KCNT2: variants seen among roughly 807,000 people sequenced by gnomAD.
The protein encoded by KCNT2 is potassium channel subfamily T member 2.
KCNT2 carries 67 observed loss-of-function variants against 153.8 expected under a neutral mutation model. The ratio of observed to expected loss-of-function variants is 0.44; its 90% confidence interval spans 0.36 to 0.53. The LOEUF is 0.53. KCNT2 is among the 20% of genes least tolerant of loss of function. The pLI, the probability that KCNT2 is intolerant of heterozygous loss-of-function variation, is 0.00. For missense variants in KCNT2, 975 were observed against 1,354.8 expected (o/e 0.72, Z 4.40); for synonymous variants, 500 against 458.8 (o/e 1.09, Z -1.15).
At chr1:196,378,826 T>TTA (rs918061181) in intron 13 of KCNT2, among the ~76,000 whole-genome samples, 5 of 146,968 alleles carry the variant, frequency 3.4e-5, no homozygotes, top group East Asian at 2.0e-4. Context: ...TATATATATA[T>TTA]TATATATATA....
Position 196,608,219 on chromosome 1 carries a change from C to T in KCNT2, c.91G>A (p.Asp31Asn), listed in dbSNP as rs377428160. 3.7e-6 allele frequency: 6 copies of T among 1,613,722 alleles called. No homozygotes were observed. In the African/African-American group the frequency reaches 8.0e-5, roughly 22 times the overall value. The part of the protein sequence containing the change: ...LLGDQGWQND[D>N]RVQVEFYMNE... ...ATCCTCCACCACACCACTCACCTGTCGTCGTTTTGCCATCCTTGGTCCCCT... is the reference window on the plus strand; with the variant it reads ...ATCCTCCACCACACCACTCACCTGTTGTCGTTTTGCCATCCTTGGTCCCCT... Residue 31 changes from aspartate to asparagine, a missense_variant, in exon 1 of 28, where the codon GAC becomes AAC. Around this residue, in one of 6 missense-constraint regions of KCNT2, gnomAD observed 140 missense variants for 216.0 expected, o/e 0.65. Coordinates refer to ENST00000294725, the MANE Select transcript of KCNT2 (RefSeq NM_198503.5).
chr1:196,303,647 TA>T (rs1661383203), intron 22 of KCNT2, among the ~76,000 whole-genome samples: 1 of 152,168 alleles, frequency 6.6e-6, no homozygotes, highest in Admixed American at 6.5e-5. Context: ...GTGTTTTGCA[TA>T]GATTATGTGC....
In KCNT2 at chr1:196,338,175, A is replaced by G. The variant is rs190345945; in HGVS notation, c.1783+2166T>C. The stretch of plus-strand genomic sequence containing the variant: ...GGGAGTGATATTTTGACTAAGATAT[A>G]AAGAATTAGAAGTCATTACTTAGGG... On this transcript the variant is annotated intron_variant, in intron 16 of 27. Coordinates refer to ENST00000294725, the MANE Select transcript of KCNT2 (RefSeq NM_198503.5). Among the ~76,000 whole-genome samples the G allele has an allele frequency of 4.1e-3, 624 of 152,258 alleles. 2 individuals carry two copies. The highest frequency in any genetic ancestry group is 7.1e-3 in the Non-Finnish European group (483 of 68,018).
At chr1:196,302,959 G>A (rs2147969367) in intron 22 of KCNT2, among the ~76,000 whole-genome samples, 1 of 150,832 alleles carries the variant, frequency 6.6e-6, no homozygotes, top group African/African-American at 2.4e-5. Context: ...GATGTATTGA[G>A]TTTCTTTTTT....
intron 1 of KCNT2, among the ~76,000 whole-genome samples, chr1:196,579,354 A>G (rs940121096): frequency 1.3e-5 from 2 of 152,056 alleles, no homozygotes; most frequent in African/African-American, 4.8e-5. Flanking sequence ...AGACAGGATC[A>G]GAAAAAATAA....
At chr1:196,512,776 T>C (rs954737061) in intron 1 of KCNT2, among the ~76,000 whole-genome samples, 6 of 152,106 alleles carry the variant, frequency 3.9e-5, no homozygotes, top group Non-Finnish European at 5.9e-5. Context: ...AATGGAAATA[T>C]TGAACCCAAA....
At chr1:196,362,598 A>G (rs1435698271) in intron 14 of KCNT2, among the ~76,000 whole-genome samples, 1 of 152,138 alleles carries the variant, frequency 6.6e-6, no homozygotes, top group Non-Finnish European at 1.5e-5. Context: ...TTTCTTCCAA[A>G]TACATACTTT....
intron 27 of KCNT2, 81 bp downstream of exon 27, chr1:196,235,905 T>C (rs1431657363): frequency 7.2e-6 from 6 of 829,502 alleles, no homozygotes; most frequent in Non-Finnish European, 1.2e-5. Flanking sequence ...TAAGAGGCTA[T>C]TATGGCCTAA....
chr1:196,597,469 C>T (rs560784851), intron 1 of KCNT2, among the ~76,000 whole-genome samples: 1 of 151,520 alleles, frequency 6.6e-6, no homozygotes, highest in Non-Finnish European at 1.5e-5. Context: ...TATATCAGCA[C>T]CAGGGAGTGA....
At position 196,307,296 on chromosome 1, in the gene KCNT2, C is replaced by T. The variant is rs78025641; in HGVS notation, c.2484-1951G>A. On this transcript the variant is annotated intron_variant, in intron 21 of 27. Transcript: ENST00000294725. ...TCTGATGTTATTTCTGCCTGAAATG[C>T]CATTTCTTTTCTGTTTACTTTTCTC... Among the ~76,000 whole-genome samples, 608 of 152,036 alleles carry T rather than the reference C, an allele frequency of 4.0e-3. 13 individuals carry two copies. In the East Asian group the frequency reaches 0.043, roughly 11 times the overall value.
intron 16 of KCNT2, among the ~76,000 whole-genome samples, chr1:196,338,427 C>T (rs1309138311): frequency 2.6e-5 from 4 of 151,960 alleles, no homozygotes; most frequent in African/African-American, 9.7e-5. Context: ...TAGGATACTG[C>T]AGAGTAAAAG....
At chr1:196,558,133 A>G (rs1230648777) in intron 1 of KCNT2, among the ~76,000 whole-genome samples, 1 of 151,382 alleles carries the variant, frequency 6.6e-6, no homozygotes, top group Non-Finnish European at 1.5e-5. Context: ...TGAATTATTG[A>G]TTCTTATTAC....
At chr1:196,359,783 G>A (rs902672262) in intron 14 of KCNT2, among the ~76,000 whole-genome samples, 2 of 151,664 alleles carry the variant, frequency 1.3e-5, no homozygotes, top group African/African-American at 4.8e-5. Context: ...GAAGGCAGAG[G>A]AAACAGCATT....
intron 4 of KCNT2, among the ~76,000 whole-genome samples, chr1:196,479,546 G>A (rs76720656): frequency 0.024 from 3,712 of 152,212 alleles, 67 homozygotes; most frequent in Middle Eastern, 0.041. Flanking sequence ...GATATATAAA[G>A]AACAGGCTCT....
At chr1:196,501,074 G>A (rs1680660027) in intron 1 of KCNT2, among the ~76,000 whole-genome samples, 2 of 152,150 alleles carry the variant, frequency 1.3e-5, no homozygotes, top group South Asian at 2.1e-4. Flanking sequence ...AGTTTGCAGA[G>A]AAAACGGTGC....
intron 5 of KCNT2, among the ~76,000 whole-genome samples, chr1:196,471,874 A>G (rs1678135964): frequency 6.6e-6 from 1 of 152,226 alleles, no homozygotes; most frequent in South Asian, 2.1e-4. Context: ...CATTGCCAAC[A>G]TAATAAAATC....
chr1:196,539,025 C>G (rs1319442106), intron 1 of KCNT2, among the ~76,000 whole-genome samples: 4 of 151,940 alleles, frequency 2.6e-5, no homozygotes, highest in Non-Finnish European at 2.9e-5. Context: ...TATATTTTGT[C>G]TAAACAATGG....
intron 1 of KCNT2, among the ~76,000 whole-genome samples, chr1:196,549,322 G>C (rs1288789658): frequency 1.3e-5 from 2 of 151,802 alleles, no homozygotes; most frequent in Non-Finnish European, 2.9e-5. Flanking sequence ...AACTTCATAT[G>C]GGAAAAGTAA....
At chr1:196,439,672 T>C (rs897641734) in intron 8 of KCNT2, among the ~76,000 whole-genome samples, 1 of 152,006 alleles carries the variant, frequency 6.6e-6, no homozygotes, top group Non-Finnish European at 1.5e-5. Context: ...AATTTAACAT[T>C]CCTATTAGAT....
Sources: allele counts gnomAD v4.1 joint callset (sites outside exome capture counted in the v4.1 genomes callset), GRCh38; gene constraint gnomAD v4.1.1; regional missense constraint gnomAD v4.1.1; transcripts MANE v1.5; gene names NCBI Gene and HGNC (gene_info 2026-07-23, HGNC 2026-07-21).